ATP9A: variants seen among roughly 807,000 people sequenced by gnomAD.
ATP9A encodes probable phospholipid-transporting ATPase IIA.
ATP9A carries 52 observed loss-of-function variants against 144.1 expected under a neutral mutation model. The observed-to-expected ratio is 0.36, with a 90% CI of 0.29 to 0.45. The LOEUF is 0.45. Among genes scored for constraint, ATP9A ranks in the 20% least tolerant of loss-of-function variants. The pLI is 1.00. For synonymous variants in ATP9A, 582 were observed against 557.4 expected (o/e 1.04, Z -0.62); for missense variants, 947 against 1,392.7 (o/e 0.68, Z 5.09).
At chr20:51,608,693 T>C in intron 24 of ATP9A, 67 bp from the exon 25 acceptor site, 2 of 1,019,380 alleles carry the variant, frequency 2.0e-6, no homozygotes, top group South Asian at 2.6e-5. Flanking sequence ...TGTGCCAGCC[T>C]CCGGCACCCA....
At chr20:51,699,585 TA>T (rs2077585057) in intron 4 of ATP9A, among the ~76,000 whole-genome samples, 1 of 152,182 alleles carries the variant, frequency 6.6e-6, no homozygotes, top group Non-Finnish European at 1.5e-5. Context: ...ATCTTGTCAT[TA>T]AACAATAAGT....
chr20:51,655,858 T>C lies in ATP9A; in HGVS notation c.1506+1080A>G, dbSNP rs897585584. On this transcript the variant is annotated intron_variant, in intron 14 of 27. Transcript: ENST00000338821. Reference sequence around the variant, plus strand: ...ATTGTCCATAGCAGCATTATCTATATAGACAAAAAAAAAAATCCAAATGTG... The same window carrying C: ...ATTGTCCATAGCAGCATTATCTATACAGACAAAAAAAAAAATCCAAATGTG... 4.0e-5 allele frequency among the ~76,000 whole-genome samples: 6 copies of C among 148,804 alleles called. No homozygotes were observed. In the South Asian group the frequency reaches 1.0e-3, roughly 26 times the overall value.
At chr20:51,638,109 A>ATATC (rs2077302245) in intron 15 of ATP9A, among the ~76,000 whole-genome samples, 2 of 84,320 alleles carry the variant, frequency 2.4e-5, no homozygotes, top group Non-Finnish European at 4.5e-5. Flanking sequence ...ATATATATAT[A>ATATC]TATATATATA....
intron 14 of ATP9A, among the ~76,000 whole-genome samples, chr20:51,642,324 T>G (rs2077323068): frequency 1.3e-5 from 2 of 152,054 alleles, no homozygotes; most frequent in South Asian, 4.2e-4. Flanking sequence ...CTGCCTAATT[T>G]TTGTAATTTT....
rs888492169 is a variant in ATP9A at position 51,651,930 on chromosome 20, C to A, written c.1506+5008G>T. 3.3e-5 allele frequency among the ~76,000 whole-genome samples: 5 copies of A among 150,918 alleles called. No homozygotes were observed. In the South Asian group the frequency reaches 1.1e-3, roughly 32 times the overall value. On this transcript the variant is annotated intron_variant, in intron 14 of 27. Transcript: ENST00000338821. ...AGACTCTGTCTCAAAAGCGCCTGGC[C>A]AAAAAAAGAAAAAAAGTTTTTTAAA...
intron 4 of ATP9A, among the ~76,000 whole-genome samples, chr20:51,699,084 G>C (rs769927183): frequency 6.6e-6 from 1 of 152,172 alleles, no homozygotes; most frequent in Non-Finnish European, 1.5e-5. Flanking sequence ...GCTCACGTCT[G>C]TAATCCCAGT....
At chr20:51,628,895 T>C (rs2077260262) in intron 16 of ATP9A, 85 bp downstream of exon 16, 1 of 1,185,496 alleles carries the variant, frequency 8.4e-7, no homozygotes, top group Non-Finnish European at 1.2e-6. Flanking sequence ...CGATAACAAA[T>C]ACAGAGACCC....
chr20:51,676,235 AAAG>A, intron 9 of ATP9A, 27 bp from the exon 10 acceptor site: 5 of 1,550,756 alleles, frequency 3.2e-6, no homozygotes, highest in Non-Finnish European at 3.5e-6. Flanking sequence ...AAAAAAAAAA[AAAG>A]AAAAGAAATA....
At chr20:51,634,849 C>T (rs2077284244) in intron 15 of ATP9A, among the ~76,000 whole-genome samples, 1 of 20,032 alleles carries the variant, frequency 5.0e-5, no homozygotes, top group Non-Finnish European at 1.8e-4. Context: ...AAACAAAACT[C>T]CATCTCAAAA....
intron 14 of ATP9A, among the ~76,000 whole-genome samples, chr20:51,642,793 TTTTACC>T (rs1446160391): frequency 6.9e-6 from 1 of 145,446 alleles, no homozygotes; most frequent in Non-Finnish European, 1.5e-5. Flanking sequence ...TTCCCATTCC[TTTTACC>T]AAGAGAGCTC....
chr20:51,712,851 G>A (rs1482423481), intron 4 of ATP9A, 115 bp downstream of exon 4: 6 of 895,576 alleles, frequency 6.7e-6, no homozygotes, highest in South Asian at 1.5e-5. Flanking sequence ...CCAAGCGACT[G>A]TTCCGCCACG....
At chr20:51,651,362 T>TTA (rs547901464) in intron 14 of ATP9A, among the ~76,000 whole-genome samples, 2 of 142,238 alleles carry the variant, frequency 1.4e-5, no homozygotes, top group East Asian at 3.9e-4. Context: ...TATATTTACA[T>TTA]TATATATATT....
rs187007821 is a variant in ATP9A at position 51,640,245 on chromosome 20, C to G, written c.1507-741G>C. Among the ~76,000 whole-genome samples the G allele has an allele frequency of 3.7e-3, 569 of 152,332 alleles. 1 individual carries two copies. The highest frequency in any genetic ancestry group is 5.6e-3 in the Admixed American group (85 of 15,304). On this transcript the variant is annotated intron_variant, in intron 14 of 27. Coordinates refer to ENST00000338821, the MANE Select transcript of ATP9A (RefSeq NM_006045.3). ...CCTTCAGGCTCTCCTTTCAGCCTCA[C>G]ACACTGCACTGGGGGAGTGTCTTCA...
intron 15 of ATP9A, among the ~76,000 whole-genome samples, chr20:51,635,802 GAGGA>G (rs1555830936): frequency 2.8e-4 from 13 of 46,698 alleles, no homozygotes; most frequent in Admixed American, 4.6e-4. Flanking sequence ...AGGAGGGGAG[GAGGA>G]AGGAAGGAAG....
At chr20:51,601,769 G>A (rs1174374958) in intron 27 of ATP9A, among the ~76,000 whole-genome samples, 1 of 152,128 alleles carries the variant, frequency 6.6e-6, no homozygotes, top group Admixed American at 6.5e-5. Flanking sequence ...AGCCAGGCAT[G>A]GTGGTACATG....
intron 14 of ATP9A, among the ~76,000 whole-genome samples, chr20:51,653,043 G>A (rs2077373429): frequency 6.6e-6 from 1 of 150,748 alleles, no homozygotes; most frequent in Non-Finnish European, 1.5e-5. Context: ...CCGGGAGGCA[G>A]AGCTTGCAGT....
intron 14 of ATP9A, among the ~76,000 whole-genome samples, chr20:51,655,584 C>T (rs1206430954): frequency 6.6e-6 from 1 of 152,120 alleles, no homozygotes; most frequent in Non-Finnish European, 1.5e-5. Flanking sequence ...AATGAGATAC[C>T]GCTCCACACT....
intron 19 of ATP9A, among the ~76,000 whole-genome samples, chr20:51,619,604 C>T (rs2077218292): frequency 6.8e-6 from 1 of 146,646 alleles, no homozygotes; most frequent in South Asian, 2.2e-4. Context: ...TACGGTGGCT[C>T]ACACCTGTAA....
At chr20:51,669,018 C>G (rs778907124) in intron 13 of ATP9A, among the ~76,000 whole-genome samples, 44 of 152,116 alleles carry the variant, frequency 2.9e-4, no homozygotes, top group Non-Finnish European at 2.2e-4. Flanking sequence ...TTCTCTATTT[C>G]GACGAATTTA....
Sources: allele counts gnomAD v4.1 joint callset (sites outside exome capture counted in the v4.1 genomes callset), GRCh38; gene constraint gnomAD v4.1.1; transcripts MANE v1.5; gene names NCBI Gene and HGNC (gene_info 2026-07-23, HGNC 2026-07-21).